The following SNX10 variants were observed in gnomAD, a reference collection of about 807,000 sequenced individuals.
SNX10 encodes the protein sorting nexin 10.
A neutral mutation model predicts 28.5 loss-of-function variants in SNX10; 25 were observed. That is an observed-to-expected ratio of 0.88 (90% CI 0.64 to 1.22). The LOEUF (loss-of-function observed/expected upper bound fraction) is 1.22. SNX10 is among the 50% of genes most tolerant of loss of function. The pLI is 0.00. For synonymous variants in SNX10, 62 were observed against 81.4 expected, an observed-to-expected ratio of 0.76 and a Z score of 1.28; for missense variants, 223 against 242.6, an observed-to-expected ratio of 0.92 and a Z score of 0.54.
intron 1 of SNX10, among the ~76,000 whole-genome samples, chr7:26,343,529 A>G (rs368745426): frequency 6.6e-6 from 1 of 152,206 alleles, no homozygotes; most frequent in East Asian, 1.9e-4. Context: ...TCTAAACATC[A>G]TGATGCAAGC....
At chr7:26,336,577 C>T (rs1023178898) in intron 1 of SNX10, among the ~76,000 whole-genome samples, 1 of 152,028 alleles carries the variant, frequency 6.6e-6, no homozygotes, top group Non-Finnish European at 1.5e-5. Context: ...TTGGTGTGCA[C>T]ACCTGTAGTC....
At chr7:26,326,164 G>A (rs1787496189) in intron 1 of SNX10, among the ~76,000 whole-genome samples, 1 of 152,164 alleles carries the variant, frequency 6.6e-6, no homozygotes, top group Admixed American at 6.5e-5. Context: ...TCGTTAACGA[G>A]AAAACGTCGA....
In SNX10 at chr7:26,372,664, T is replaced by C. The variant is rs1434323337; in HGVS notation, c.*92T>C. 1.3e-6 allele frequency: 1 copy of C among 789,466 alleles called. No homozygotes were observed. The highest frequency in any genetic ancestry group is 2.2e-6 in the Non-Finnish European group (1 of 448,028). 48.9% of individuals were successfully genotyped at this position (789,466 alleles called of 1,614,324 possible). On this transcript the variant is annotated 3_prime_UTR_variant, in exon 7 of 7. Coordinates refer to ENST00000338523, the MANE Select transcript of SNX10 (RefSeq NM_013322.3). ...ATAATAATACATTCTTACCTAAAGC[T>C]CACTGTCATGATGTTAGGTATTTAA...
At chr7:26,354,063 C>T (rs1013401844) in intron 2 of SNX10, 1 of 152,188 alleles carries the variant, frequency 6.6e-6, no homozygotes, top group Non-Finnish European at 1.5e-5. Context: ...ACAGTTAACA[C>T]CTACTCATCT....
At chr7:26,343,077 T>C (rs549780246) in intron 1 of SNX10, among the ~76,000 whole-genome samples, 38 of 152,298 alleles carry the variant, frequency 2.5e-4, no homozygotes, top group Middle Eastern at 3.4e-3. Flanking sequence ...GTGCTGAGAT[T>C]ACAGGTGTGA....
chr7:26,351,345 G>A (rs1455908648), intron 2 of SNX10, among the ~76,000 whole-genome samples: 1 of 152,234 alleles, frequency 6.6e-6, no homozygotes, highest in Non-Finnish European at 1.5e-5. Context: ...TTGCTAGCAT[G>A]TGGAAGTGAT....
intron 1 of SNX10, among the ~76,000 whole-genome samples, chr7:26,328,067 C>T (rs1036561092): frequency 6.6e-6 from 1 of 152,090 alleles, no homozygotes; most frequent in African/African-American, 2.4e-5. Flanking sequence ...TTTACTGAAC[C>T]ACTTGCTAAG....
At chr7:26,351,646 G>GTTTTTTTTTTTTTTTT (rs982361856) in intron 2 of SNX10, among the ~76,000 whole-genome samples, 4 of 112,636 alleles carry the variant, frequency 3.6e-5, no homozygotes, top group Admixed American at 1.1e-4. Flanking sequence ...AAGCAGTCTG[G>GTTTTTTTTTTTTTTTT]TTTTTTTTTT....
At chr7:26,356,952 A>C in intron 2 of SNX10, 1 of 493,158 alleles carries the variant, frequency 2.0e-6, no homozygotes, top group Non-Finnish European at 2.9e-6. Context: ...TGAGGTTTTA[A>C]TTTCAAGTGA....
chr7:26,341,686 T>A (rs1214150115), intron 1 of SNX10, among the ~76,000 whole-genome samples: 1 of 152,088 alleles, frequency 6.6e-6, no homozygotes, highest in Non-Finnish European at 1.5e-5. Context: ...GGTTTCACCA[T>A]ATTGGTCAGG....
chr7:26,349,356 T>G (rs1788507389), intron 2 of SNX10, among the ~76,000 whole-genome samples: 1 of 151,986 alleles, frequency 6.6e-6, no homozygotes, highest in Non-Finnish European at 1.5e-5. Flanking sequence ...TTTTTTTTTT[T>G]TTTACATTTT....
At chr7:26,326,193 T>C (rs970615681) in intron 1 of SNX10, among the ~76,000 whole-genome samples, 1 of 152,198 alleles carries the variant, frequency 6.6e-6, no homozygotes, top group Non-Finnish European at 1.5e-5. Context: ...GTTCTTCCCT[T>C]GCTTTTTTAG....
intron 1 of SNX10, among the ~76,000 whole-genome samples, chr7:26,343,050 C>T (rs934699591): frequency 3.9e-5 from 6 of 152,060 alleles, no homozygotes; most frequent in African/African-American, 1.2e-4. Context: ...GTGATCTGCC[C>T]GCCTCAACCT....
chr7:26,356,301 T>G (rs1424675111), intron 2 of SNX10, among the ~76,000 whole-genome samples: 2 of 152,196 alleles, frequency 1.3e-5, no homozygotes, highest in African/African-American at 4.8e-5. Flanking sequence ...ATATAGTCAT[T>G]AGGCCCAAGA....
At chr7:26,341,446 A>G (rs1016690308) in intron 1 of SNX10, among the ~76,000 whole-genome samples, 3 of 152,044 alleles carry the variant, frequency 2.0e-5, no homozygotes, top group Non-Finnish European at 2.9e-5. Context: ...TGGGAGGCAG[A>G]TATCCATACT....
Position 26,363,394 on chromosome 7 carries a change from G to A in SNX10, c.112-1141G>A, listed in dbSNP as rs532366074. 9.9e-5 allele frequency among the ~76,000 whole-genome samples: 15 copies of A among 152,232 alleles called. No individual in the cohort carries two copies. The East Asian group carries it at 2.9e-3, about 29-fold the overall frequency. Reference sequence around the variant, plus strand: ...CTTAGATTTCCCAAGGAAAACAATCGCTGGGCATATTAAGTGATAGAATAA... The same window carrying A: ...CTTAGATTTCCCAAGGAAAACAATCACTGGGCATATTAAGTGATAGAATAA... On this transcript the variant is annotated intron_variant, in intron 3 of 6. Coordinates refer to ENST00000338523, the MANE Select transcript of SNX10 (RefSeq NM_013322.3).
rs577596453 is a variant in SNX10, at chr7:26,328,949, G to T, written c.-23-17471G>T. ...AACACGCCAATACCTCCTTCCCCTT[G>T]TACACACCTCCACTGCTGCTTCTCA... On this transcript the variant is annotated intron_variant, in intron 1 of 6. Transcript: ENST00000338523. Among the ~76,000 whole-genome samples the T allele has an allele frequency of 3.9e-5, 6 of 152,138 alleles. No individual in the cohort carries two copies. The South Asian group carries it at 1.2e-3, about 32-fold the overall frequency.
intron 5 of SNX10, among the ~76,000 whole-genome samples, chr7:26,368,372 T>C (rs1254530916): frequency 6.6e-6 from 1 of 152,184 alleles, no homozygotes. Context: ...TTTGTATTCT[T>C]GCCCCTGAGT....
At chr7:26,311,915 A>G (rs753216599) in intron 1 of SNX10, among the ~76,000 whole-genome samples, 113 of 145,788 alleles carry the variant, frequency 7.8e-4, no homozygotes, top group Non-Finnish European at 7.7e-4. Context: ...CGAGGAGATA[A>G]GAGAACAGCT....
Sources: allele counts gnomAD v4.1 joint callset (sites outside exome capture counted in the v4.1 genomes callset), GRCh38; gene constraint gnomAD v4.1.1; transcripts MANE v1.5; gene names NCBI Gene and HGNC (gene_info 2026-07-23, HGNC 2026-07-21).